TAFA1: variants seen among roughly 807,000 people sequenced by gnomAD.
The protein encoded by TAFA1 is TAFA chemokine like family member 1.
In TAFA1, 4 loss-of-function variants were observed where a neutral mutation model predicts 18.5. The ratio of observed to expected loss-of-function variants is 0.22; its 90% CI spans 0.11 to 0.49. The LOEUF is 0.49. Among genes scored for constraint, TAFA1 ranks in the 20% least tolerant of loss-of-function variants. TAFA1 has a pLI of 0.98. For missense variants in TAFA1, 147 were observed against 169.0 expected (o/e 0.87, Z 0.72); for synonymous variants, 56 against 55.2 (o/e 1.01, Z -0.06).
At chr3:68,474,049 ACCCCC>A (rs3037409) in intron 3 of TAFA1, among the ~76,000 whole-genome samples, 1 of 136,442 alleles carries the variant, frequency 7.3e-6, no homozygotes, top group African/African-American at 2.6e-5. Context: ...AAAATGTATC[ACCCCC>A]CCCCCCAAGT....
intron 2 of TAFA1, among the ~76,000 whole-genome samples, chr3:68,214,431 G>A (rs577841385): frequency 6.6e-6 from 1 of 152,038 alleles, no homozygotes; most frequent in Admixed American, 6.6e-5. Flanking sequence ...GTACTATAAG[G>A]CCTTTCCCTT....
At chr3:68,189,801 G>A (rs577675979) in intron 2 of TAFA1, among the ~76,000 whole-genome samples, 43 of 151,992 alleles carry the variant, frequency 2.8e-4, no homozygotes, top group African/African-American at 1.0e-3. Flanking sequence ...GCAGGAGAAG[G>A]GTCTGGCATT....
At chr3:68,092,775 T>A (rs1421529761) in intron 2 of TAFA1, among the ~76,000 whole-genome samples, 1 of 152,066 alleles carries the variant, frequency 6.6e-6, no homozygotes, top group African/African-American at 2.4e-5. Context: ...ACTCCCCAAA[T>A]GTACCAAAAT....
intron 2 of TAFA1, among the ~76,000 whole-genome samples, chr3:68,284,708 A>G (rs1020396956): frequency 6.6e-6 from 1 of 152,122 alleles, no homozygotes; most frequent in Non-Finnish European, 1.5e-5. Flanking sequence ...CAAGAGGATC[A>G]TTTGAGGACA....
chr3:68,482,373 A>T (rs757297150), intron 3 of TAFA1, among the ~76,000 whole-genome samples: 8 of 152,278 alleles, frequency 5.3e-5, no homozygotes, highest in Middle Eastern at 3.4e-3. Context: ...CACCAAGAAG[A>T]AAAGAAGCTG....
intron 3 of TAFA1, among the ~76,000 whole-genome samples, chr3:68,511,179 C>T (rs2072840759): frequency 6.6e-6 from 1 of 152,156 alleles, no homozygotes; most frequent in South Asian, 2.1e-4. Context: ...TTCAAGATTA[C>T]ACCCATTGCT....
intron 2 of TAFA1, among the ~76,000 whole-genome samples, chr3:68,150,049 A>T (rs1257454078): frequency 6.6e-6 from 1 of 152,212 alleles, no homozygotes; most frequent in African/African-American, 2.4e-5. Flanking sequence ...TACTGTAATC[A>T]TCTGCATGAC....
At chr3:68,274,033 T>A (rs2067735479) in intron 2 of TAFA1, among the ~76,000 whole-genome samples, 1 of 152,138 alleles carries the variant, frequency 6.6e-6, no homozygotes, top group African/African-American at 2.4e-5. Flanking sequence ...GGTAAAGATA[T>A]GAGATTACCT....
At chr3:68,061,725 T>A (rs2064604533) in intron 2 of TAFA1, among the ~76,000 whole-genome samples, 1 of 152,106 alleles carries the variant, frequency 6.6e-6, no homozygotes, top group East Asian at 1.9e-4. Context: ...GATATGTACA[T>A]GAAGAATAAA....
At chr3:68,080,574 G>A (rs1163603442) in intron 2 of TAFA1, among the ~76,000 whole-genome samples, 1 of 152,026 alleles carries the variant, frequency 6.6e-6, no homozygotes, top group Admixed American at 6.6e-5. Flanking sequence ...TGCTTATGAA[G>A]CATAGTTTGG....
At chr3:68,360,523 C>A (rs980904615) in intron 2 of TAFA1, among the ~76,000 whole-genome samples, 1 of 151,804 alleles carries the variant, frequency 6.6e-6, no homozygotes, top group East Asian at 1.9e-4. Context: ...AGTAGAGTAG[C>A]GGCTACTCGG....
At chr3:68,104,931 A>C (rs2065187841) in intron 2 of TAFA1, among the ~76,000 whole-genome samples, 1 of 152,156 alleles carries the variant, frequency 6.6e-6, no homozygotes, top group Non-Finnish European at 1.5e-5. Context: ...AAAGAGGTTT[A>C]TTTTGAGTCA....
At chr3:68,281,094 A>G in intron 2 of TAFA1, among the ~76,000 whole-genome samples, 1 of 152,278 alleles carries the variant, frequency 6.6e-6, no homozygotes, top group Middle Eastern at 3.4e-3. Flanking sequence ...TAAATTTCTA[A>G]TAAAATATTT....
intron 2 of TAFA1, among the ~76,000 whole-genome samples, chr3:68,260,014 C>T (rs1352373800): frequency 2.0e-5 from 3 of 152,104 alleles, no homozygotes; most frequent in Admixed American, 1.3e-4. Flanking sequence ...CTGTCTTGTG[C>T]CAGTTTCCAA....
intron 2 of TAFA1, among the ~76,000 whole-genome samples, chr3:68,368,417 A>G (rs140052197): frequency 6.6e-6 from 1 of 152,298 alleles, no homozygotes; most frequent in Non-Finnish European, 1.5e-5. Context: ...TAGTGACTTT[A>G]TCACTAGACC....
At chr3:68,329,801 A>G (rs2106726419) in intron 2 of TAFA1, among the ~76,000 whole-genome samples, 1 of 152,326 alleles carries the variant, frequency 6.6e-6, no homozygotes, top group East Asian at 1.9e-4. Context: ...ATGTTTATGA[A>G]GAAATTCTGT....
chr3:68,147,245 C>G lies in TAFA1; in HGVS notation c.118+140501C>G, dbSNP rs558154001. On this transcript the variant is annotated intron_variant, in intron 2 of 4. Coordinates refer to ENST00000478136, the MANE Select transcript of TAFA1 (RefSeq NM_213609.4). Reference sequence around the variant, plus strand: ...CCCATATACCCAGAAGGCAACATTCCTCTGCTTTAACCACTCCAGGGCCAG... The same window carrying G: ...CCCATATACCCAGAAGGCAACATTCGTCTGCTTTAACCACTCCAGGGCCAG... Among the ~76,000 whole-genome samples, 41 of 152,070 alleles carry G rather than the reference C, an allele frequency of 2.7e-4. 1 individual carries two copies. Among genetic ancestry groups the G allele is most frequent in the African/African-American group, 8.7e-4 (36 of 41,490 alleles).
intron 2 of TAFA1, among the ~76,000 whole-genome samples, chr3:68,354,377 T>C (rs553274710): frequency 6.6e-6 from 1 of 152,088 alleles, no homozygotes; most frequent in South Asian, 2.1e-4. Context: ...CTAGCAGTGA[T>C]AAGCTGGAGC....
chr3:67,993,917 G>A, the TAFA1 span, among the ~76,000 whole-genome samples: 1 of 151,938 alleles, frequency 6.6e-6, no homozygotes, highest in Admixed American at 6.6e-5. Flanking sequence ...GGGGAGGGGG[G>A]AGCACTTTCA....
Sources: gnomAD v4.1 joint callset for allele counts (sites outside exome capture counted in the v4.1 genomes callset) on GRCh38, gnomAD v4.1.1 for gene constraint, MANE v1.5 for transcripts, NCBI Gene and HGNC (gene_info 2026-07-23, HGNC 2026-07-21) for gene names.